CAMK1D: variants seen among roughly 807,000 people sequenced by gnomAD.
CAMK1D encodes the protein calcium/calmodulin-dependent protein kinase type 1D.
CAMK1D carries 9 observed loss-of-function variants against 47.7 expected under a neutral mutation model. The observed-to-expected ratio is 0.19, with a 90% CI of 0.11 to 0.33. The LOEUF (loss-of-function observed/expected upper bound fraction) is 0.33, where lower values mean the gene tolerates loss of function less well. CAMK1D is among the 10% of genes least tolerant of loss of function. CAMK1D has a pLI of 1.00. For synonymous variants in CAMK1D, 184 were observed against 184.9 expected (o/e 0.99, Z 0.04); for missense variants, 291 against 488.7 (o/e 0.60, Z 3.81).
At chr10:12,715,168 C>T (rs1277233454) in intron 3 of CAMK1D, among the ~76,000 whole-genome samples, 8 of 152,190 alleles carry the variant, frequency 5.3e-5, no homozygotes, top group African/African-American at 1.9e-4. Flanking sequence ...TCCACTTTCT[C>T]AGCTACCACG....
intron 1 of CAMK1D, among the ~76,000 whole-genome samples, chr10:12,444,161 A>T (rs1832864995): frequency 6.6e-6 from 1 of 152,164 alleles, no homozygotes; most frequent in Non-Finnish European, 1.5e-5. Context: ...AACCTGGTTT[A>T]TCAGCAAGGT....
intron 1 of CAMK1D, among the ~76,000 whole-genome samples, chr10:12,518,364 T>A (rs1835272572): frequency 6.6e-6 from 1 of 152,238 alleles, no homozygotes; most frequent in African/African-American, 2.4e-5. Context: ...AAATATTTGC[T>A]CACATCTGAT....
chr10:12,721,211 C>T (rs1376095105), intron 3 of CAMK1D, among the ~76,000 whole-genome samples: 1 of 152,204 alleles, frequency 6.6e-6, no homozygotes, highest in Non-Finnish European at 1.5e-5. Context: ...GTCGTGGTTC[C>T]CCACACATTT....
At chr10:12,712,436 A>G (rs1399323364) in intron 3 of CAMK1D, among the ~76,000 whole-genome samples, 2 of 152,218 alleles carry the variant, frequency 1.3e-5, no homozygotes, top group Admixed American at 6.5e-5. Context: ...AACGCTGTAG[A>G]CTGGGCAGCT....
chr10:12,596,738 G>C (rs957165915), intron 2 of CAMK1D, among the ~76,000 whole-genome samples: 13 of 152,018 alleles, frequency 8.6e-5, no homozygotes, highest in African/African-American at 2.7e-4. Flanking sequence ...ATTTAAACTG[G>C]TAGGTTCCTC....
intron 2 of CAMK1D, among the ~76,000 whole-genome samples, chr10:12,553,688 G>A (rs533884988): frequency 1.3e-5 from 2 of 152,240 alleles, no homozygotes; most frequent in South Asian, 4.2e-4. Context: ...TGGAGTTACC[G>A]GCGTCTCCCT....
At chr10:12,351,817 G>A (rs1290258844) in intron 1 of CAMK1D, among the ~76,000 whole-genome samples, 1 of 152,198 alleles carries the variant, frequency 6.6e-6, no homozygotes, top group African/African-American at 2.4e-5. Flanking sequence ...GTGAGCTTTG[G>A]GAATGGGTCT....
At chr10:12,667,485 C>A (rs931138324) in intron 3 of CAMK1D, among the ~76,000 whole-genome samples, 1 of 152,162 alleles carries the variant, frequency 6.6e-6, no homozygotes, top group African/African-American at 2.4e-5. Flanking sequence ...CTGAAATTAG[C>A]CTCCCTGCCT....
intron 1 of CAMK1D, among the ~76,000 whole-genome samples, chr10:12,515,397 CT>C (rs764952111): frequency 1.8e-5 from 2 of 111,644 alleles, no homozygotes; most frequent in Non-Finnish European, 3.6e-5. Context: ...TATAGTTTTC[CT>C]TTTCTTTTTT....
chr10:12,563,125 T>A (rs993633892), intron 2 of CAMK1D, among the ~76,000 whole-genome samples: 1 of 152,234 alleles, frequency 6.6e-6, no homozygotes. Context: ...CAACTGGACT[T>A]GGCCCAAGGC....
chr10:12,577,184 C>A (rs536364781), intron 2 of CAMK1D, among the ~76,000 whole-genome samples: 1 of 149,236 alleles, frequency 6.7e-6, no homozygotes, highest in Admixed American at 6.6e-5. Context: ...ATAACACAAG[C>A]CAGGACAAGC....
chr10:12,719,535 C>T (rs1834290674), intron 3 of CAMK1D, among the ~76,000 whole-genome samples: 1 of 152,134 alleles, frequency 6.6e-6, no homozygotes, highest in African/African-American at 2.4e-5. Flanking sequence ...CGCCTGTGGG[C>T]AGGGGTGAGG....
chr10:12,561,509 C>G (rs1252973250), intron 2 of CAMK1D, among the ~76,000 whole-genome samples: 1 of 152,104 alleles, frequency 6.6e-6, no homozygotes, highest in East Asian at 1.9e-4. Context: ...TGTCCTTCCT[C>G]CTTTTTGCTG....
At chr10:12,514,823 T>C (rs1470053432) in intron 1 of CAMK1D, among the ~76,000 whole-genome samples, 1 of 152,136 alleles carries the variant, frequency 6.6e-6, no homozygotes, top group Non-Finnish European at 1.5e-5. Context: ...GGTATACGTT[T>C]ATAGCCTTTA....
At position 12,811,731 on chromosome 10, in the gene CAMK1D, G is replaced by A. The variant is rs375947401; in HGVS notation, c.642-2464G>A. Reference sequence around the variant, plus strand: ...ACCCTAAAGAAAAACACACACGGTTGTAAATAAACAAAAACCTCACATATC... The same window carrying A: ...ACCCTAAAGAAAAACACACACGGTTATAAATAAACAAAAACCTCACATATC... On this transcript the variant is annotated intron_variant, in intron 6 of 10. Coordinates refer to ENST00000619168, the MANE Select transcript of CAMK1D (RefSeq NM_153498.4). 4.6e-5 allele frequency among the ~76,000 whole-genome samples: 7 copies of A among 152,322 alleles called. No individual in the cohort carries two copies. In the East Asian group the frequency reaches 1.3e-3, roughly 29 times the overall value.
intron 3 of CAMK1D, among the ~76,000 whole-genome samples, chr10:12,670,450 A>AT (rs1453790131): frequency 6.6e-6 from 1 of 151,258 alleles, no homozygotes; most frequent in African/African-American, 2.4e-5. Context: ...ATTTTCTTCC[A>AT]TTTTGTAGCT....
intron 1 of CAMK1D, among the ~76,000 whole-genome samples, chr10:12,373,321 AG>A (rs1838060640): frequency 2.0e-5 from 3 of 151,592 alleles, no homozygotes; most frequent in Non-Finnish European, 2.9e-5. Context: ...TCAATAAAAA[AG>A]AAAAAAGATA....
At chr10:12,547,813 C>G (rs1420551247) in intron 1 of CAMK1D, among the ~76,000 whole-genome samples, 1 of 152,138 alleles carries the variant, frequency 6.6e-6, no homozygotes, top group Non-Finnish European at 1.5e-5. Flanking sequence ...CAAGTGATTT[C>G]TATTTATTGT....
At chr10:12,771,380 G>A (rs1208879690) in intron 5 of CAMK1D, among the ~76,000 whole-genome samples, 1 of 152,242 alleles carries the variant, frequency 6.6e-6, no homozygotes, top group Non-Finnish European at 1.5e-5. Flanking sequence ...AGGCTGAGGA[G>A]AGCCGGCCTC....
Sources: allele counts gnomAD v4.1 joint callset (sites outside exome capture counted in the v4.1 genomes callset), GRCh38; gene constraint gnomAD v4.1.1; transcripts MANE v1.5; gene names NCBI Gene and HGNC (gene_info 2026-07-23, HGNC 2026-07-21).